Variants in COL15A1 observed in about 807,000 individuals in gnomAD.
COL15A1 encodes the protein collagen alpha-1(XV) chain.
COL15A1 carries 111 observed loss-of-function variants against 165.9 expected under a neutral mutation model. That is an observed-to-expected ratio of 0.67 (90% confidence interval 0.57 to 0.78). The LOEUF (loss-of-function observed/expected upper bound fraction) is 0.78. Ranked by LOEUF, COL15A1 falls within the 30% of genes least tolerant of loss-of-function variation. The pLI is 0.00. For missense variants in COL15A1, 1,745 were observed against 1,789.7 expected, an observed-to-expected ratio of 0.98 and a Z score of 0.45; for synonymous variants, 659 against 674.8, an observed-to-expected ratio of 0.98 and a Z score of 0.36.
chr9:99,045,164 G>T (rs1244052534), intron 26 of COL15A1, among the ~76,000 whole-genome samples: 1 of 152,168 alleles, frequency 6.6e-6, no homozygotes, highest in Non-Finnish European at 1.5e-5. Flanking sequence ...GGCACATTCT[G>T]TAAGCCAAAA....
At chr9:98,967,410 A>G (rs1224461313) in intron 2 of COL15A1, among the ~76,000 whole-genome samples, 1 of 152,142 alleles carries the variant, frequency 6.6e-6, no homozygotes, top group Non-Finnish European at 1.5e-5. Flanking sequence ...AGGGGGCTGG[A>G]GTGCCCAAGC....
intron 2 of COL15A1, among the ~76,000 whole-genome samples, chr9:98,953,842 T>C (rs1411421831): frequency 6.6e-6 from 1 of 152,256 alleles, no homozygotes; most frequent in Non-Finnish European, 1.5e-5. Flanking sequence ...CTAGGCAGTC[T>C]TTTGTGACTA....
At chr9:99,018,620 A>G (rs1394884067) in intron 11 of COL15A1, among the ~76,000 whole-genome samples, 1 of 152,256 alleles carries the variant, frequency 6.6e-6, no homozygotes, top group African/African-American at 2.4e-5. Flanking sequence ...GCATAATTTA[A>G]TTAGCCAACA....
chr9:99,003,402 A>G lies in COL15A1; in HGVS notation c.1066-51A>G, dbSNP rs200830775. 3.0e-4 allele frequency: 416 copies of G among 1,381,542 alleles called. 1 individual carries two copies. The highest frequency in any genetic ancestry group is 3.7e-4 in the Non-Finnish European group (392 of 1,051,956). 85.6% of individuals were successfully genotyped at this position (1,381,542 alleles called of 1,614,324 possible). ...CAGTCTGTTCTCACCAGCCACAGGC[A>G]TGTTGATGGGAGCCCAGAGACATGG... On this transcript the variant is annotated intron_variant, in intron 7 of 41. Coordinates refer to ENST00000375001, the MANE Select transcript of COL15A1 (RefSeq NM_001855.5).
chr9:99,038,590 A>C, intron 21 of COL15A1, 78 bp from the exon 22 acceptor site: 1 of 910,572 alleles, frequency 1.1e-6, no homozygotes, highest in Non-Finnish European at 1.8e-6. Flanking sequence ...GGGTGACTTT[A>C]ATTAAAGCTT....
intron 2 of COL15A1, among the ~76,000 whole-genome samples, chr9:98,965,839 G>T (rs964800984): frequency 6.6e-6 from 1 of 152,068 alleles, no homozygotes; most frequent in Non-Finnish European, 1.5e-5. Flanking sequence ...TGGGCCCCGT[G>T]TTGGTGTCTG....
At chr9:99,054,205 C>T (rs1280461179) in intron 31 of COL15A1, among the ~76,000 whole-genome samples, 1 of 152,206 alleles carries the variant, frequency 6.6e-6, no homozygotes, top group Non-Finnish European at 1.5e-5. Flanking sequence ...TGAGATGAGT[C>T]TGGAAGATTG....
chr9:99,003,600 G>T lies in COL15A1; in HGVS notation c.1200+13G>T. On this transcript the variant is annotated intron_variant, in intron 8 of 41. Transcript: ENST00000375001. ...AGGGGTCACTCCAGTAAGTAGCTCA[G>T]AGCGCAAGCTCCCCTTCACCTGTGT... 1 of 1,469,274 alleles carries T rather than the reference G, an allele frequency of 6.8e-7. No homozygotes were observed. The highest frequency in any genetic ancestry group is 9.0e-7 in the Non-Finnish European group (1 of 1,106,572). 91.0% of individuals were successfully genotyped at this position (1,469,274 alleles called of 1,614,324 possible). A position where few individuals can be genotyped will look rare whatever the true frequency, so the allele number is the denominator to read the frequency against.
At position 98,944,233 on chromosome 9, in the gene COL15A1, A is replaced by C. The variant is rs765058784; in HGVS notation, c.83A>C (p.Gln28Pro). ...TCCACGCCCCTCCCTGCTGTCACCCAGACCCGCGGTGCGACAGGTAAGCAA... is the reference window on the plus strand; with the variant it reads ...TCCACGCCCCTCCCTGCTGTCACCCCGACCCGCGGTGCGACAGGTAAGCAA... The part of the protein sequence containing the change: ...SVSTPLPAVT[Q>P]TRGATETASQ... Residue 28 changes from glutamine (Q) to proline (P), a missense_variant, in exon 2 of 42, where the codon CAG becomes CCG. Transcript: ENST00000375001. 1 of 1,613,900 alleles carries C rather than the reference A, an allele frequency of 6.2e-7. No individual in the cohort carries two copies. The highest frequency in any genetic ancestry group is 1.1e-5 in the South Asian group (1 of 91,062).
intron 11 of COL15A1, among the ~76,000 whole-genome samples, chr9:99,020,058 C>T (rs1838999896): frequency 6.6e-6 from 1 of 152,144 alleles, no homozygotes; most frequent in African/African-American, 2.4e-5. Context: ...GAGAATGTTG[C>T]CCTGGAAATG....
chr9:98,968,365 G>A lies in COL15A1; in HGVS notation c.101-17200G>A, dbSNP rs74502833. On this transcript the variant is annotated intron_variant, in intron 2 of 41. Coordinates refer to ENST00000375001, the MANE Select transcript of COL15A1 (RefSeq NM_001855.5). ...TTGTCCAGTTCTGGAGGCGAGAAGT[G>A]TGAAGTGGAGGTGTGTGGGCTGGGT... Among the ~76,000 whole-genome samples, 56 of 152,348 alleles carry A rather than the reference G, an allele frequency of 3.7e-4. 1 individual carries two copies. In the East Asian group the frequency reaches 0.01, roughly 28 times the overall value.
intron 7 of COL15A1, among the ~76,000 whole-genome samples, chr9:99,002,932 GCT>G (rs1838686762): frequency 6.6e-6 from 1 of 152,242 alleles, no homozygotes; most frequent in African/African-American, 2.4e-5. Context: ...CCCCAAAGCT[GCT>G]CTCTCTTTCC....
At chr9:98,950,187 C>A (rs1465094634) in intron 2 of COL15A1, among the ~76,000 whole-genome samples, 2 of 152,128 alleles carry the variant, frequency 1.3e-5, no homozygotes, top group Non-Finnish European at 2.9e-5. Flanking sequence ...CGGCCTGTTT[C>A]TACTTCTTTG....
At chr9:99,062,523 G>T (rs1177330774) in intron 38 of COL15A1, among the ~76,000 whole-genome samples, 8 of 152,246 alleles carry the variant, frequency 5.3e-5, no homozygotes, top group Non-Finnish European at 8.8e-5. Context: ...CTGTTCCCAT[G>T]TAGTAGCCAA....
intron 35 of COL15A1, among the ~76,000 whole-genome samples, chr9:99,056,736 G>C (rs938100028): frequency 6.6e-6 from 1 of 151,916 alleles, no homozygotes; most frequent in African/African-American, 2.4e-5. Flanking sequence ...ACCAGATCTG[G>C]GCAACCATGA....
chr9:98,979,650 A>ATTG (rs1176925837), intron 2 of COL15A1, among the ~76,000 whole-genome samples: 1 of 150,920 alleles, frequency 6.6e-6, no homozygotes, highest in African/African-American at 2.4e-5. Flanking sequence ...GATTATCTTT[A>ATTG]TTATTATTAT....
intron 36 of COL15A1, among the ~76,000 whole-genome samples, chr9:99,060,179 C>T (rs1016656152): frequency 8.0e-5 from 12 of 150,162 alleles, no homozygotes; most frequent in Non-Finnish European, 1.5e-4. Flanking sequence ...TTCCACCATT[C>T]GAATCCTTAA....
intron 12 of COL15A1, among the ~76,000 whole-genome samples, chr9:99,020,672 C>T (rs1052690518): frequency 6.6e-6 from 1 of 152,236 alleles, no homozygotes; most frequent in South Asian, 2.1e-4. Flanking sequence ...GTCCCTTGAC[C>T]TCCGTGGGCC....
intron 5 of COL15A1, among the ~76,000 whole-genome samples, chr9:98,995,343 C>T (rs1838525230): frequency 6.6e-6 from 1 of 152,160 alleles, no homozygotes; most frequent in Admixed American, 6.5e-5. Context: ...TACTGCCACC[C>T]CCCAGTCACC....
Sources: gnomAD v4.1 joint callset for allele counts (sites outside exome capture counted in the v4.1 genomes callset) on GRCh38, gnomAD v4.1.1 for gene constraint, MANE v1.5 for transcripts, NCBI Gene and HGNC (gene_info 2026-07-23, HGNC 2026-07-21) for gene names.